Variants in ST3GAL5 observed in about 807,000 individuals in gnomAD.
ST3GAL5 encodes the protein lactosylceramide alpha-2,3-sialyltransferase.
A neutral mutation model predicts 46.1 loss-of-function variants in ST3GAL5; 25 were observed. The observed-to-expected ratio is 0.54, with a 90% CI of 0.40 to 0.76. The LOEUF is 0.76. Ranked by LOEUF, ST3GAL5 falls within the 30% of genes least tolerant of loss-of-function variation. ST3GAL5 has a pLI of 0.00. For missense variants in ST3GAL5, 431 were observed against 521.2 expected (o/e 0.83, Z 1.69); for synonymous variants, 182 against 192.7 (o/e 0.94, Z 0.46).
chr2:85,852,040 T>G (rs1683571185), intron 3 of ST3GAL5, among the ~76,000 whole-genome samples: 1 of 152,212 alleles, frequency 6.6e-6, no homozygotes, highest in African/African-American at 2.4e-5. Context: ...TTAAAAACAA[T>G]CAAAGTAATT....
rs1387301177 is a variant in ST3GAL5, at chr2:85,838,372, G to C, written c.*1772C>G. ...AAGAACGTTGTCTGAGGAAGTTCCG[G>C]CTTCTCCAATAACCCCCTGAGGGAT... On this transcript the variant is annotated 3_prime_UTR_variant, in exon 7 of 7. Coordinates refer to ENST00000638572, the MANE Select transcript of ST3GAL5 (RefSeq NM_003896.4). 5.3e-5 allele frequency: 8 copies of C among 152,288 alleles called. No individual in the cohort carries two copies. The highest frequency in any genetic ancestry group is 1.7e-4 in the African/African-American group (7 of 41,548). 9.4% of individuals were successfully genotyped at this position (152,288 alleles called of 1,614,324 possible).
At chr2:85,858,774 G>A (rs946136770) in intron 3 of ST3GAL5, among the ~76,000 whole-genome samples, 7 of 152,284 alleles carry the variant, frequency 4.6e-5, no homozygotes, top group Admixed American at 2.6e-4. Flanking sequence ...ATCCTTCTGC[G>A]GTCTGAACCT....
At chr2:85,879,034 C>T (rs1427377985) in intron 1 of ST3GAL5, among the ~76,000 whole-genome samples, 2 of 152,128 alleles carry the variant, frequency 1.3e-5, no homozygotes, top group African/African-American at 4.8e-5. Flanking sequence ...GCAGAAGACG[C>T]AGCTAGGAAG....
chr2:85,854,471 A>G (rs1683877407), intron 3 of ST3GAL5: 2 of 152,320 alleles, frequency 1.3e-5, no homozygotes, highest in Admixed American at 1.3e-4. Context: ...GAAAGGACTT[A>G]CATTCCATGG....
rs886056390 is a variant in ST3GAL5, at chr2:85,839,821, G to C, written c.*323C>G. On this transcript the variant is annotated 3_prime_UTR_variant, in exon 7 of 7. Coordinates refer to ENST00000638572, the MANE Select transcript of ST3GAL5 (RefSeq NM_003896.4). ...ATTAGTTACCTGTATTCAATGTGCA[G>C]TGTAAACGAGCAGAAGTTTTACAAA... 13 of 375,824 alleles carry C rather than the reference G, an allele frequency of 3.5e-5. No individual in the cohort carries two copies. The highest frequency in any genetic ancestry group is 8.8e-4 in the Middle Eastern group (1 of 1,138). 23.3% of individuals were successfully genotyped at this position (375,824 alleles called of 1,614,324 possible).
At chr2:85,873,880 GGT>G (rs1231468835) in intron 1 of ST3GAL5, among the ~76,000 whole-genome samples, 5 of 152,220 alleles carry the variant, frequency 3.3e-5, no homozygotes, top group Non-Finnish European at 7.3e-5. Context: ...GGTAGGTCCA[GGT>G]GAGGATGCTG....
intron 3 of ST3GAL5, chr2:85,855,910 T>C (rs1277358845): frequency 6.6e-6 from 1 of 152,132 alleles, no homozygotes; most frequent in Non-Finnish European, 1.5e-5. Flanking sequence ...TTAACATCTA[T>C]CAGGATGACA....
intron 1 of ST3GAL5, among the ~76,000 whole-genome samples, chr2:85,868,623 T>TC (rs1279727033): frequency 7.4e-6 from 1 of 134,350 alleles, no homozygotes; most frequent in African/African-American, 2.5e-5. Flanking sequence ...CAATTAAACT[T>TC]TTTTTTTTTT....
At chr2:85,846,679 C>T (rs1682830005) in intron 4 of ST3GAL5, 116 bp from the exon 5 acceptor site, 6 of 998,360 alleles carry the variant, frequency 6.0e-6, no homozygotes, top group Non-Finnish European at 9.2e-6. Context: ...AGAATGAGTG[C>T]ATGGTTTGCA....
At position 85,847,922 on chromosome 2, in the gene ST3GAL5, C is replaced by T. The variant is rs771732955; in HGVS notation, c.601G>A (p.Gly201Arg). 15 of 1,614,034 alleles carry T rather than the reference C, an allele frequency of 9.3e-6. No individual in the cohort carries two copies. The highest frequency in any genetic ancestry group is 1.7e-5 in the Admixed American group (1 of 59,998). ...AGTTCTAATCCGTGCAGTATTCCTC[C>T]GCTTCCAATAACCACACAGCGCCGA... ...TCRRCVVIGSGGILHGLELGH... is the reference protein window; with the variant it reads ...TCRRCVVIGSRGILHGLELGH... The change falls in exon 4 of 7, where the codon GGA becomes AGA. Residue 201 changes from glycine to arginine, a missense_variant. By Grantham distance (125) the Gly-to-Arg change is moderately radical (BLOSUM62 -2). Transcript: ENST00000638572.
At chr2:85,860,845 A>G (rs1225658817) in intron 3 of ST3GAL5, 11 of 286,828 alleles carry the variant, frequency 3.8e-5, no homozygotes, top group South Asian at 2.5e-4. Flanking sequence ...AAAAAAAAAA[A>G]GGGAGAAAAG....
At chr2:85,880,474 G>C (rs767744099) in intron 1 of ST3GAL5, among the ~76,000 whole-genome samples, 1 of 152,134 alleles carries the variant, frequency 6.6e-6, no homozygotes, top group Non-Finnish European at 1.5e-5. Flanking sequence ...TGATCAAATA[G>C]GAGTATGTGC....
At chr2:85,853,520 T>A (rs1683770870) in intron 3 of ST3GAL5, 1 of 167,692 alleles carries the variant, frequency 6.0e-6, no homozygotes, top group African/African-American at 2.4e-5. Context: ...TAATTCAAAT[T>A]TGTCCACGTG....
rs1683096020 is a variant in ST3GAL5 at position 85,848,484 on chromosome 2, G to A, written c.319-280C>T. 22 of 1,169,102 alleles carry A rather than the reference G, an allele frequency of 1.9e-5. No individual in the cohort carries two copies. The South Asian group carries it at 2.8e-4, about 15-fold the overall frequency. The allele number at this position is 1,169,102 out of a possible 1,614,324, so 72.4% of individuals were successfully genotyped here. On this transcript the variant is annotated intron_variant, in intron 3 of 6. Transcript: ENST00000638572. ...CGCCTCCCACCCCCAGCCTAACACT[G>A]TTCAAATACATTTGGGGTGAAAATG...
intron 6 of ST3GAL5, among the ~76,000 whole-genome samples, chr2:85,841,813 C>T (rs999296767): frequency 6.6e-6 from 1 of 152,182 alleles, no homozygotes; most frequent in African/African-American, 2.4e-5. Context: ...AATCTGACAT[C>T]GTGCTTTCTG....
At chr2:85,875,363 T>TTTA (rs1491519619) in intron 1 of ST3GAL5, 1 of 29,234 alleles carries the variant, frequency 3.4e-5, no homozygotes, top group Non-Finnish European at 6.5e-5. Flanking sequence ...ACTTGCCTGA[T>TTTA]TTTTTTTTTT....
chr2:85,869,341 G>A (rs549745610), intron 1 of ST3GAL5, among the ~76,000 whole-genome samples: 142 of 151,106 alleles, frequency 9.4e-4, no homozygotes, highest in African/African-American at 3.3e-3. Flanking sequence ...CACCATGCAT[G>A]GCCTGGTGGT....
chr2:85,873,767 A>C (rs1373465313), intron 1 of ST3GAL5, among the ~76,000 whole-genome samples: 1 of 152,224 alleles, frequency 6.6e-6, no homozygotes, highest in East Asian at 1.9e-4. Context: ...CCTTAGCTGG[A>C]GCATCAGGAG....
chr2:85,875,341 G>A (rs181564417), intron 1 of ST3GAL5: 11 of 148,834 alleles, frequency 7.4e-5, no homozygotes, highest in African/African-American at 2.2e-4. Flanking sequence ...ATTTGCAGGC[G>A]TGAGTTACCA....
Sources: gnomAD v4.1 joint callset for allele counts (sites outside exome capture counted in the v4.1 genomes callset) on GRCh38, gnomAD v4.1.1 for gene constraint, MANE v1.5 for transcripts, NCBI Gene and HGNC (gene_info 2026-07-23, HGNC 2026-07-21) for gene names.